The following THBS2 variants were observed in gnomAD, a reference collection of about 807,000 sequenced individuals.
The protein encoded by THBS2 is thrombospondin 2.
In THBS2, 47 loss-of-function variants were observed where a neutral mutation model predicts 135.2. That is an observed-to-expected ratio of 0.35 (90% CI 0.28 to 0.44). The LOEUF is 0.44. Among genes scored for constraint, THBS2 ranks in the 20% least tolerant of loss-of-function variants. The probability of loss-of-function intolerance (pLI) is 1.00; values close to 1 mark genes in which losing one functional copy is unlikely to be tolerated. For missense variants in THBS2, 1,288 were observed against 1,603.1 expected, an observed-to-expected ratio of 0.80 and a Z score of 3.36; for synonymous variants, 639 against 633.8, an observed-to-expected ratio of 1.01 and a Z score of -0.12.
At chr6:169,246,155 T>A (rs770136489) in intron 4 of THBS2, 42 bp downstream of exon 4, 21 of 1,532,218 alleles carry the variant, frequency 1.4e-5, no homozygotes, top group Non-Finnish European at 1.8e-5. Context: ...TAGAAATCCA[T>A]CCAAGCCAGT....
At chr6:169,236,914 C>G (rs1033246566) in intron 9 of THBS2, among the ~76,000 whole-genome samples, 2 of 152,246 alleles carry the variant, frequency 1.3e-5, no homozygotes, top group Non-Finnish European at 2.9e-5. Context: ...CCTTTAATTA[C>G]AGTCTGTCCT....
intron 21 of THBS2, chr6:169,219,790 A>G (rs761898708): frequency 1.9e-6 from 1 of 522,690 alleles, no homozygotes; most frequent in Non-Finnish European, 3.8e-6. Context: ...ATTTTGATTC[A>G]AATATACCTG....
At chr6:169,247,421 G>A (rs1191549521) in intron 3 of THBS2, among the ~76,000 whole-genome samples, 1 of 152,134 alleles carries the variant, frequency 6.6e-6, no homozygotes, top group Non-Finnish European at 1.5e-5. Flanking sequence ...AGGTGTTTGT[G>A]TGTATGTATA....
At chr6:169,244,619 C>T (rs894601537) in intron 4 of THBS2, among the ~76,000 whole-genome samples, 3 of 147,412 alleles carry the variant, frequency 2.0e-5, no homozygotes, top group Admixed American at 6.8e-5. Flanking sequence ...CACACACACA[C>T]GTATACATAT....
chr6:169,225,203 G>A lies in THBS2; in HGVS notation c.2715C>T (p.Val905=). The A allele has an allele frequency of 4.3e-6, 7 of 1,614,190 alleles. No homozygotes were observed. The highest frequency in any genetic ancestry group is 5.9e-6 in the Non-Finnish European group (7 of 1,180,024). ...GCCGGCAGTTGTCCCTGTCATCGGG[G>A]ACGCCATCGTTGTCATCATCAGGGT... ...ACDPDDDNDG[V]PDDRDNCRLV... is the part of the protein sequence containing the mutation. The change falls in exon 17 of 22, where the codon GTC becomes GTT. Residue 905 remains valine, a synonymous_variant. Transcript: ENST00000617924.
In THBS2 at chr6:169,223,350, A is replaced by G. The variant is rs900885332; in HGVS notation, c.2899T>C (p.Leu967=). 1.2e-6 allele frequency: 2 copies of G among 1,614,094 alleles called. No homozygotes were observed. Among genetic ancestry groups the G allele is most frequent in the Non-Finnish European group, 8.5e-7 (1 of 1,180,056 alleles). The change falls in exon 18 of 22, where the codon TTG becomes CTG. Residue 967 remains leucine, a synonymous_variant. Coordinates refer to ENST00000617924, the MANE Select transcript of THBS2 (RefSeq NM_003247.5). Reference sequence around the variant, plus strand: ...ATTTGGGTGGTCCCTTTGGGATCCAAGGGGACCATCTGGAAGTTCCTGAAG... The same window carrying G: ...ATTTGGGTGGTCCCTTTGGGATCCAGGGGGACCATCTGGAAGTTCCTGAAG... ...TDFRNFQMVP[L]DPKGTTQIDP...
In THBS2 at chr6:169,237,657, C is replaced by T. The variant is rs375611577; in HGVS notation, c.1268G>A (p.Arg423Gln). 11 of 1,612,848 alleles carry T rather than the reference C, an allele frequency of 6.8e-6. No individual in the cohort carries two copies. The highest frequency in any genetic ancestry group is 2.2e-5 in the East Asian group (1 of 44,874). Reference sequence around the variant, plus strand: ...GTCACACTTGCTCAGACTGCAAGCCCGTGTCTGGATGGAGGGCCCCAAGCA... The same window carrying T: ...GTCACACTTGCTCAGACTGCAAGCCTGTGTCTGGATGGAGGGCCCCAAGCA... Reference protein sequence around the residue: ...NTCLGPSIQTRACSLSKCDTR... With the variant: ...NTCLGPSIQTQACSLSKCDTR... Residue 423 changes from arginine (R) to glutamine (Q), a missense_variant, in exon 8 of 22, where the codon CGG becomes CAG. This residue lies in a region of THBS2 where 874 missense variants were observed against 1,156.1 expected (regional missense o/e 0.76). Coordinates refer to ENST00000617924, the MANE Select transcript of THBS2 (RefSeq NM_003247.5).
chr6:169,244,171 T>G (rs944569517), intron 4 of THBS2, among the ~76,000 whole-genome samples: 5 of 146,134 alleles, frequency 3.4e-5, no homozygotes, highest in African/African-American at 1.3e-4. Flanking sequence ...TGTGTTTTTT[T>G]TTTTTTTTTT....
intron 15 of THBS2, among the ~76,000 whole-genome samples, chr6:169,227,605 A>G (rs1779682997): frequency 6.6e-6 from 1 of 152,196 alleles, no homozygotes; most frequent in South Asian, 2.1e-4. Context: ...AGCTTTCTCT[A>G]GGGCGGTCCT....
intron 17 of THBS2, among the ~76,000 whole-genome samples, chr6:169,224,903 C>T (rs949189109): frequency 6.6e-6 from 1 of 152,172 alleles, no homozygotes; most frequent in African/African-American, 2.4e-5. Context: ...TCTCCTCCTC[C>T]CGACGTGCAC....
rs1779584766 is a variant in THBS2 at position 169,225,284 on chromosome 6, G to A, written c.2634C>T (p.Tyr878=). The part of the protein sequence containing the change: ...GHQNNQDNCP[Y]ISNANQADHD... Reference sequence around the variant, plus strand: ...GGTCAGCCTGGTTGGCGTTGGAGATGTAGGGGCAGTTGTCCTGGTTGTTCT... The same window carrying A: ...GGTCAGCCTGGTTGGCGTTGGAGATATAGGGGCAGTTGTCCTGGTTGTTCT... Residue 878 remains tyrosine, a synonymous_variant, in exon 17 of 22, where the codon TAC becomes TAT. Transcript: ENST00000617924. 6.2e-7 allele frequency: 1 copy of A among 1,603,234 alleles called. No homozygotes were observed. Among genetic ancestry groups the A allele is most frequent in the Non-Finnish European group, 8.5e-7 (1 of 1,174,554 alleles).
intron 4 of THBS2, among the ~76,000 whole-genome samples, chr6:169,245,577 G>A (rs560183509): frequency 2.0e-5 from 3 of 152,124 alleles, no homozygotes; most frequent in Non-Finnish European, 4.4e-5. Flanking sequence ...CAGATCACGA[G>A]GTCAGGAGAT....
chr6:169,225,007 A>G (rs747343226), intron 17 of THBS2, 138 bp downstream of exon 17: 18 of 819,912 alleles, frequency 2.2e-5, no homozygotes, highest in Non-Finnish European at 3.6e-5. Context: ...GCATGGACCC[A>G]CAGCTTTAAG....
At chr6:169,235,189 T>C (rs150695259) in intron 9 of THBS2, among the ~76,000 whole-genome samples, 786 of 152,188 alleles carry the variant, frequency 5.2e-3, no homozygotes, top group Non-Finnish European at 8.6e-3. Flanking sequence ...TTCTTTTTAA[T>C]AAAAGAATTT....
chr6:169,248,779 C>A lies in THBS2; in HGVS notation c.247G>T (p.Gly83Cys). 1.2e-6 allele frequency: 2 copies of A among 1,611,968 alleles called. No individual in the cohort carries two copies. Among genetic ancestry groups the A allele is most frequent in the South Asian group, 2.2e-5 (2 of 91,064 alleles). ...TTGAGCTGGGCCGTGAGGAAGAAGC[C>A]CTCCTTCTGCCGCATGATCTTGGTG... ...KITKIMRQKE[G>C]FFLTAQLKQD... The change falls in exon 3 of 22, where the codon GGC becomes TGC. Residue 83 changes from glycine (G) to cysteine (C), a missense_variant. Transcript: ENST00000617924.
Position 169,232,877 on chromosome 6 carries a change from C to A in THBS2, c.1779+13G>T. On this transcript the variant is annotated intron_variant, in intron 11 of 21. Coordinates refer to ENST00000617924, the MANE Select transcript of THBS2 (RefSeq NM_003247.5). The stretch of plus-strand genomic sequence containing the variant: ...ACCTCAGGGCGCCCACAGCCCAGGG[C>A]GGGGTCACCCACCTCGTCCAGGTCC... 1 of 1,601,930 alleles carries A rather than the reference C, an allele frequency of 6.2e-7. No homozygotes were observed.
rs372308380 is a variant in THBS2, at chr6:169,222,284, G to A, written c.3186C>T (p.Gly1062=). ...TGGAGTTCACCACCTTGAGGGACACGCCGGAGTAGCCATAGGCCCGCGTGG... is the reference window on the plus strand; with the variant it reads ...TGGAGTTCACCACCTTGAGGGACACACCGGAGTAGCCATAGGCCCGCGTGG... ...DQPTRAYGYS[G]VSLKVVNSTT... is the part of the protein sequence containing the mutation. Residue 1062 remains glycine (G), a synonymous_variant, in exon 19 of 22, where the codon GGC becomes GGT. Transcript: ENST00000617924. 138 of 1,613,162 alleles carry A rather than the reference G, an allele frequency of 8.6e-5. No individual in the cohort carries two copies. Among genetic ancestry groups the A allele is most frequent in the Non-Finnish European group, 1.1e-4 (133 of 1,180,038 alleles).
chr6:169,225,990 G>A (rs1052226352), intron 16 of THBS2, among the ~76,000 whole-genome samples, 190 bp downstream of exon 16: 3 of 152,232 alleles, frequency 2.0e-5, no homozygotes, highest in Non-Finnish European at 2.9e-5. Context: ...TCTTTGTGGA[G>A]CTCATGGAAA....
Position 169,239,589 on chromosome 6 carries a change from C to T in THBS2, c.1129+10G>A, listed in dbSNP as rs749572773. ...AATGCAGGATGCGCTTGCCGGCTGG[C>T]GATACTCACAGTGGAGGCAGGAAGG... On this transcript the variant is annotated intron_variant, in intron 7 of 21. Transcript: ENST00000617924. 41 of 1,590,706 alleles carry T rather than the reference C, an allele frequency of 2.6e-5. No homozygotes were observed. Among genetic ancestry groups the T allele is most frequent in the Admixed American group, 1.2e-4 (7 of 56,278 alleles).
Sources: gnomAD v4.1 joint callset for allele counts (sites outside exome capture counted in the v4.1 genomes callset) on GRCh38, gnomAD v4.1.1 for gene constraint, gnomAD v4.1.1 regional missense constraint, MANE v1.5 for transcripts, NCBI Gene and HGNC (gene_info 2026-07-23, HGNC 2026-07-21) for gene names.